NRXN1: variants seen among roughly 807,000 people sequenced by gnomAD.
NRXN1 encodes the protein neurexin 1.
Under a neutral mutation model 150.9 loss-of-function variants are expected in NRXN1, and 39 were observed. That is an observed-to-expected ratio of 0.26 (90% confidence interval 0.20 to 0.34). The LOEUF is 0.34. Among genes scored for constraint, NRXN1 ranks in the 10% least tolerant of loss-of-function variants. NRXN1 has a pLI of 1.00. For missense variants in NRXN1, 1,815 were observed against 1,949.9 expected (o/e 0.93, Z 1.30); for synonymous variants, 924 against 757.0 (o/e 1.22, Z -3.62).
At chr2:50,910,245 A>C (rs189194737) in intron 5 of NRXN1, among the ~76,000 whole-genome samples, 9 of 152,076 alleles carry the variant, frequency 5.9e-5, no homozygotes, top group African/African-American at 2.2e-4. Flanking sequence ...GTTTCCTTTG[A>C]AAATTAATTT....
chr2:50,155,449 G>C (rs1299398481), intron 18 of NRXN1, among the ~76,000 whole-genome samples: 1 of 151,056 alleles, frequency 6.6e-6, no homozygotes, highest in Non-Finnish European at 1.5e-5. Context: ...AAGAAGAAAG[G>C]AGGGACGAAT....
intron 8 of NRXN1, among the ~76,000 whole-genome samples, chr2:50,596,412 T>C (rs1675212314): frequency 2.0e-5 from 3 of 152,228 alleles, no homozygotes; most frequent in Admixed American, 1.3e-4. Context: ...TCTTTGTTGA[T>C]GTACACCATT....
At chr2:50,165,619 G>T (rs2059633953) in intron 18 of NRXN1, among the ~76,000 whole-genome samples, 1 of 152,142 alleles carries the variant, frequency 6.6e-6, no homozygotes, top group Non-Finnish European at 1.5e-5. Context: ...GAAGTGCTGG[G>T]ATTACAGGCG....
intron 2 of NRXN1, among the ~76,000 whole-genome samples, chr2:50,927,265 A>C (rs1325256345): frequency 6.6e-6 from 1 of 152,012 alleles, no homozygotes; most frequent in Non-Finnish European, 1.5e-5. Flanking sequence ...AAAAATCAAC[A>C]ATTTTGTTTA....
chr2:50,864,806 T>C (rs551594762), intron 5 of NRXN1, among the ~76,000 whole-genome samples: 1 of 152,082 alleles, frequency 6.6e-6, no homozygotes, highest in East Asian at 1.9e-4. Flanking sequence ...GTGCACTGTG[T>C]CCAAAGCAGT....
At chr2:50,949,147 T>G (rs1286039152) in intron 2 of NRXN1, among the ~76,000 whole-genome samples, 1 of 152,080 alleles carries the variant, frequency 6.6e-6, no homozygotes, top group Non-Finnish European at 1.5e-5. Context: ...TTGTCACTAT[T>G]TTGTCCAATT....
At chr2:50,872,272 T>C (rs571386622) in intron 5 of NRXN1, among the ~76,000 whole-genome samples, 1 of 151,974 alleles carries the variant, frequency 6.6e-6, no homozygotes, top group African/African-American at 2.4e-5. Context: ...TGAACTAAAA[T>C]GTAATGTGTA....
chr2:50,995,851 G>T (rs1422650385), intron 2 of NRXN1, among the ~76,000 whole-genome samples: 1 of 152,068 alleles, frequency 6.6e-6, no homozygotes, highest in Non-Finnish European at 1.5e-5. Context: ...TTAAATCCCT[G>T]CATGCTTTAA....
At chr2:50,356,627 T>C (rs1441531162) in intron 17 of NRXN1, among the ~76,000 whole-genome samples, 1 of 152,168 alleles carries the variant, frequency 6.6e-6, no homozygotes, top group Non-Finnish European at 1.5e-5. Context: ...TTGTTCCTGG[T>C]TGCGTTCAAG....
At chr2:49,964,472 C>T (rs150818958) in intron 21 of NRXN1, among the ~76,000 whole-genome samples, 7,126 of 151,452 alleles carry the variant, frequency 0.047, 234 homozygotes, top group East Asian at 0.1. Context: ...GCCAGCTACT[C>T]GGGAGGCTGA....
chr2:49,975,009 C>G lies in NRXN1; in HGVS notation c.4129-31218G>C, dbSNP rs1249844526. On this transcript the variant is annotated intron_variant, in intron 21 of 22. Coordinates refer to ENST00000401669, the MANE Select transcript of NRXN1 (RefSeq NM_001330078.2). Reference sequence around the variant, plus strand: ...CTGGAATACCATATGGAACTATATCCCCAAATACATCTGTTTCCAGTGATC... The same window carrying G: ...CTGGAATACCATATGGAACTATATCGCCAAATACATCTGTTTCCAGTGATC... Among the ~76,000 whole-genome samples, 8 of 151,478 alleles carry G rather than the reference C, an allele frequency of 5.3e-5. No individual in the cohort carries two copies. In the East Asian group the frequency reaches 1.6e-3, roughly 29 times the overall value.
intron 5 of NRXN1, among the ~76,000 whole-genome samples, chr2:50,746,650 T>C (rs1158341677): frequency 6.6e-6 from 1 of 152,046 alleles, no homozygotes; most frequent in Non-Finnish European, 1.5e-5. Context: ...TGAAACACAA[T>C]CCACTCAGAG....
intron 17 of NRXN1, among the ~76,000 whole-genome samples, chr2:50,361,703 T>G (rs2079210211): frequency 6.6e-6 from 1 of 152,146 alleles, no homozygotes; most frequent in South Asian, 2.1e-4. Context: ...CTTCTGAAAC[T>G]AATCCTAACA....
chr2:50,214,397 C>T (rs1158321367), intron 18 of NRXN1, among the ~76,000 whole-genome samples: 3 of 151,862 alleles, frequency 2.0e-5, no homozygotes, highest in Non-Finnish European at 4.4e-5. Flanking sequence ...ATTTTCGGTT[C>T]CTTCTAATCC....
intron 10 of NRXN1, among the ~76,000 whole-genome samples, chr2:50,533,371 C>T (rs1001074232): frequency 3.9e-5 from 6 of 152,136 alleles, no homozygotes; most frequent in Non-Finnish European, 5.9e-5. Flanking sequence ...TCTTGATTTA[C>T]TCCCTTCAAA....
chr2:50,364,518 C>T (rs1299977143), intron 17 of NRXN1, among the ~76,000 whole-genome samples: 1 of 152,108 alleles, frequency 6.6e-6, no homozygotes, highest in Non-Finnish European at 1.5e-5. Context: ...CTACATTATG[C>T]CAAATGCTTA....
At chr2:49,976,891 C>T (rs1679088275) in intron 21 of NRXN1, among the ~76,000 whole-genome samples, 1 of 152,140 alleles carries the variant, frequency 6.6e-6, no homozygotes, top group African/African-American at 2.4e-5. Flanking sequence ...CTCTTCAAGC[C>T]TTAGTTTTCT....
intron 17 of NRXN1, among the ~76,000 whole-genome samples, chr2:50,463,755 C>T (rs1052747050): frequency 6.6e-6 from 1 of 151,652 alleles, no homozygotes; most frequent in African/African-American, 2.4e-5. Context: ...CTGCCACAAC[C>T]AAATGGCAAC....
At chr2:50,667,395 A>G (rs1434508154) in intron 5 of NRXN1, among the ~76,000 whole-genome samples, 1 of 151,980 alleles carries the variant, frequency 6.6e-6, no homozygotes, top group East Asian at 1.9e-4. Flanking sequence ...AGGACATAAT[A>G]TTGGTTACAC....
Sources: allele counts gnomAD v4.1 joint callset (sites outside exome capture counted in the v4.1 genomes callset), GRCh38; gene constraint gnomAD v4.1.1; transcripts MANE v1.5; gene names NCBI Gene and HGNC (gene_info 2026-07-23, HGNC 2026-07-21).